Variants in CAV2 observed in about 807,000 individuals in gnomAD.
CAV2 encodes the protein caveolin-2.
In CAV2, 7 loss-of-function variants were observed where a neutral mutation model predicts 15.5. That is an observed-to-expected ratio of 0.45 (90% confidence interval 0.26 to 0.85). CAV2 has a LOEUF of 0.85. Among genes scored for constraint, CAV2 ranks in the 40% least tolerant of loss-of-function variants. The pLI is 0.18. For synonymous variants in CAV2, 76 were observed against 83.1 expected (o/e 0.91, Z 0.46); for missense variants, 229 against 208.8 (o/e 1.10, Z -0.60).
Position 116,506,034 on chromosome 7 carries a change from G to C in CAV2, c.402G>C (p.Lys134Asn), listed in dbSNP as rs201883545. The change falls in exon 3 of 3, where the codon AAG becomes AAC. Residue 134 changes from lysine to asparagine, a missense_variant. Lys to Asn is a moderately conservative substitution (Grantham distance 94). Coordinates refer to ENST00000222693, the MANE Select transcript of CAV2 (RefSeq NM_001233.5). ...MVLPSVQTIW[K>N]SVTDVIIAPL... Reference sequence around the variant, plus strand: ...TGCCTTCAGTGCAGACAATATGGAAGAGTGTGACAGATGTTATCATTGCTC... The same window carrying C: ...TGCCTTCAGTGCAGACAATATGGAACAGTGTGACAGATGTTATCATTGCTC... 5 of 1,613,818 alleles carry C rather than the reference G, an allele frequency of 3.1e-6. No individual in the cohort carries two copies. Among genetic ancestry groups the C allele is most frequent in the Middle Eastern group, 1.6e-4 (1 of 6,062 alleles).
intron 2 of CAV2, 125 bp from the exon 3 acceptor site, chr7:116,505,845 AT>A: frequency 3.2e-6 from 2 of 617,104 alleles, no homozygotes; most frequent in Middle Eastern, 3.5e-4. Flanking sequence ...TTGTTCATTT[AT>A]TTGTTTCAAA....
intron 2 of CAV2, 114 bp downstream of exon 2, chr7:116,500,561 CAGTTCCCA>C: frequency 9.8e-7 from 1 of 1,015,530 alleles, no homozygotes; most frequent in Admixed American, 2.3e-5. Context: ...GAACGCGCAT[CAGTTCCCA>C]AGCAGTAGGA....
rs765831466 is a variant in CAV2, at chr7:116,499,921, C to G, written c.140C>G (p.Ser47Trp). ...GACCGGGATCCCCACCGGCTCAACT[C>G]GCATCTCAAGGTGAAGCCCGGGGCG... The part of the protein sequence containing the change: ...DQDRDPHRLN[S>W]HLKLGFEDVI... Residue 47 changes from serine (S) to tryptophan (W), a missense_variant, in exon 1 of 3, where the codon TCG becomes TGG. Ser to Trp is a radical substitution (Grantham distance 177, BLOSUM62 -3). Coordinates refer to ENST00000222693, the MANE Select transcript of CAV2 (RefSeq NM_001233.5). The G allele has an allele frequency of 3.1e-6, 5 of 1,611,526 alleles. No homozygotes were observed. In the South Asian group the frequency reaches 5.5e-5, roughly 18 times the overall value.
At chr7:116,503,606 A>C (rs1384677826) in intron 2 of CAV2, among the ~76,000 whole-genome samples, 1 of 152,040 alleles carries the variant, frequency 6.6e-6, no homozygotes, top group Non-Finnish European at 1.5e-5. Flanking sequence ...AGCTGGGCAG[A>C]TCACTTGAGG....
chr7:116,500,648 G>A (rs1793082300), intron 2 of CAV2: 1 of 572,810 alleles, frequency 1.7e-6, no homozygotes, highest in Non-Finnish European at 3.1e-6. Flanking sequence ...AGTTTCAACA[G>A]GAGAAAGAAT....
In CAV2 at chr7:116,507,243, T is replaced by C. The variant is rs965596930; in HGVS notation, c.*1122T>C. ...AACTTGGGCTACTGAACTACATGCA[T>C]AAACTAAAAACTAACAGCTACAAAC... On this transcript the variant is annotated 3_prime_UTR_variant, in exon 3 of 3. Coordinates refer to ENST00000222693, the MANE Select transcript of CAV2 (RefSeq NM_001233.5). 5 of 152,490 alleles carry C rather than the reference T, an allele frequency of 3.3e-5. No homozygotes were observed. Among genetic ancestry groups the C allele is most frequent in the Admixed American group, 1.3e-4 (2 of 15,282 alleles). 9.4% of individuals were successfully genotyped at this position (152,490 alleles called of 1,614,324 possible). A position where few individuals can be genotyped will look rare whatever the true frequency, so the allele number is the denominator to read the frequency against.
At chr7:116,505,225 AG>A (rs1406081570) in intron 2 of CAV2, among the ~76,000 whole-genome samples, 1 of 152,232 alleles carries the variant, frequency 6.6e-6, no homozygotes, top group Non-Finnish European at 1.5e-5. Context: ...GTAAACCCTC[AG>A]GGAAGTGTGA....
chr7:116,506,924 A>G lies in CAV2; in HGVS notation c.*803A>G, dbSNP rs945053933. On this transcript the variant is annotated 3_prime_UTR_variant, in exon 3 of 3. Transcript: ENST00000222693. ...TACATCTTCTTTGGAAATAAAAGAT[A>G]AAAGAGCGATACACAAAGCTTTCTT... is the stretch of plus-strand genomic sequence containing the variant. 2.6e-5 allele frequency: 4 copies of G among 152,250 alleles called. No homozygotes were observed. The highest frequency in any genetic ancestry group is 5.9e-5 in the Non-Finnish European group (4 of 68,036). 9.4% of individuals were successfully genotyped at this position (152,250 alleles called of 1,614,324 possible).
Position 116,508,473 on chromosome 7 carries a change from A to G in CAV2, c.*2352A>G, listed in dbSNP as rs1371490388. ...TATGTACAAACATGTTGTTTGTTTTATTTGGGGCTGGGGGAGGTATATGAT... is the reference window on the plus strand; with the variant it reads ...TATGTACAAACATGTTGTTTGTTTTGTTTGGGGCTGGGGGAGGTATATGAT... On this transcript the variant is annotated 3_prime_UTR_variant, in exon 3 of 3. Coordinates refer to ENST00000222693, the MANE Select transcript of CAV2 (RefSeq NM_001233.5). The G allele has an allele frequency of 6.6e-6, 1 of 152,046 alleles. No homozygotes were observed. The highest frequency in any genetic ancestry group is 2.4e-5 in the African/African-American group (1 of 41,424). 9.4% of individuals were successfully genotyped at this position (152,046 alleles called of 1,614,324 possible).
At position 116,506,064 on chromosome 7, in the gene CAV2, G is replaced by A. The variant is rs373661701; in HGVS notation, c.432G>A (p.Leu144=). ...KSVTDVIIAP[L]CTSVGRCFSS... ...TGACAGATGTTATCATTGCTCCATT[G>A]TGTACGAGCGTAGGACGATGCTTCT... The change falls in exon 3 of 3, where the codon TTG becomes TTA. Residue 144 remains leucine, a synonymous_variant. Coordinates refer to ENST00000222693, the MANE Select transcript of CAV2 (RefSeq NM_001233.5). 1 of 1,613,714 alleles carries A rather than the reference G, an allele frequency of 6.2e-7. No individual in the cohort carries two copies. The highest frequency in any genetic ancestry group is 8.5e-7 in the Non-Finnish European group (1 of 1,179,660).
rs765682808 is a variant in CAV2 at position 116,500,239 on chromosome 7, C to T, written c.151-21C>T. 6 of 1,608,166 alleles carry T rather than the reference C, an allele frequency of 3.7e-6. No individual in the cohort carries two copies. In the East Asian group the frequency reaches 1.3e-4, roughly 36 times the overall value. The stretch of plus-strand genomic sequence containing the variant: ...GTCAGGTTGGCTGACAGTTCGGGGT[C>T]CCTGCGTCCTGTCTCCTCAGCTGGG... On this transcript the variant is annotated intron_variant, in intron 1 of 2. Transcript: ENST00000222693.
chr7:116,505,532 C>T (rs1793213136), intron 2 of CAV2, among the ~76,000 whole-genome samples: 1 of 152,098 alleles, frequency 6.6e-6, no homozygotes, highest in South Asian at 2.1e-4. Context: ...CTACTTTAGG[C>T]AAGGACCTCA....
At chr7:116,502,705 A>G (rs954980025) in intron 2 of CAV2, among the ~76,000 whole-genome samples, 3 of 152,236 alleles carry the variant, frequency 2.0e-5, no homozygotes, top group African/African-American at 7.2e-5. Context: ...ACTTTGAACC[A>G]TGTCACAATA....
intron 2 of CAV2, among the ~76,000 whole-genome samples, chr7:116,502,279 T>C (rs1673740874): frequency 6.6e-6 from 1 of 152,214 alleles, no homozygotes; most frequent in African/African-American, 2.4e-5. Flanking sequence ...GGTGTTTTTG[T>C]ATAGTGCTTC....
At chr7:116,504,858 T>TCA (rs1793195109) in intron 2 of CAV2, among the ~76,000 whole-genome samples, 1 of 152,198 alleles carries the variant, frequency 6.6e-6, no homozygotes, top group Non-Finnish European at 1.5e-5. Flanking sequence ...TGTGTAAAAG[T>TCA]TCTAACATCA....
chr7:116,499,879 T>G lies in CAV2; in HGVS notation c.98T>G (p.Phe33Cys). 1 of 1,609,360 alleles carries G rather than the reference T, an allele frequency of 6.2e-7. No individual in the cohort carries two copies. Among genetic ancestry groups the G allele is most frequent in the Non-Finnish European group, 8.5e-7 (1 of 1,178,524 alleles). The change falls in exon 1 of 3, where the codon TTC becomes TGC. Residue 33 changes from phenylalanine (F) to cysteine (C), a missense_variant. Physicochemically the swap from Phe to Cys is radical, Grantham distance 205. Transcript: ENST00000222693. ...CTCGAGTACGCCGACCCCGAGAAGT[T>G]CGCGGACTCGGACCAGGACCGGGAT... ...SGLEYADPEK[F>C]ADSDQDRDPH...
Position 116,500,472 on chromosome 7 carries a change from C to A in CAV2, c.338+25C>A, listed in dbSNP as rs117449302. The A allele has an allele frequency of 6.1e-4, 983 of 1,598,802 alleles. 2 individuals are homozygous for A. The African/African-American group carries it at 8.7e-3, about 14-fold the overall frequency. On this transcript the variant is annotated intron_variant, in intron 2 of 2. Transcript: ENST00000222693. ...GGTGAGACGGGGCACACCGGGTGGA[C>A]CGGCTTTCTGAAACATGGGCATATT...
At chr7:116,501,262 CAATA>C (rs1793098348) in intron 2 of CAV2, 1 of 152,008 alleles carries the variant, frequency 6.6e-6, no homozygotes, top group Non-Finnish European at 1.5e-5. Flanking sequence ...CATATTTTAC[CAATA>C]AATGTTGTTG....
At chr7:116,500,163 A>G (rs1793058599) in intron 1 of CAV2, 97 bp from the exon 2 acceptor site, 6 of 1,522,174 alleles carry the variant, frequency 3.9e-6, no homozygotes, top group Admixed American at 2.1e-5. Flanking sequence ...ACGCCCTGGC[A>G]CGTCCTTCCC....
Sources: gnomAD v4.1 joint callset for allele counts (sites outside exome capture counted in the v4.1 genomes callset) on GRCh38, gnomAD v4.1.1 for gene constraint, MANE v1.5 for transcripts, NCBI Gene and HGNC (gene_info 2026-07-23, HGNC 2026-07-21) for gene names.